CACNA1C: variants seen among roughly 807,000 people sequenced by gnomAD.
CACNA1C encodes calcium voltage-gated channel subunit alpha1 C.
CACNA1C carries 30 observed loss-of-function variants against 229.0 expected under a neutral mutation model. The ratio of observed to expected loss-of-function variants is 0.13; its 90% confidence interval spans 0.10 to 0.18. The LOEUF is 0.18. Ranked by LOEUF, CACNA1C falls within the 10% of genes least tolerant of loss-of-function variation. The pLI is 1.00. For synonymous variants in CACNA1C, 1,114 were observed against 1,132.5 expected (o/e 0.98, Z 0.33); for missense variants, 1,658 against 2,845.0 (o/e 0.58, Z 9.49).
Position 2,528,167 on chromosome 12 carries a change from G to C in CACNA1C, c.1390+15183G>C, listed in dbSNP as rs116412019. ...GTGTGCTATACAGGAACTAACAGGA[G>C]CCAGAGAAAAGCAGGCAGCCAGACT... On this transcript the variant is annotated intron_variant, in intron 9 of 46. Coordinates refer to ENST00000399655, the MANE Select transcript of CACNA1C (RefSeq NM_000719.7). Among the ~76,000 whole-genome samples the C allele has an allele frequency of 2.9e-3, 449 of 152,314 alleles. 2 individuals are homozygous for C. The highest frequency in any genetic ancestry group is 0.01 in the African/African-American group (436 of 41,560).
intron 3 of CACNA1C, among the ~76,000 whole-genome samples, chr12:2,416,981 T>C (rs866664752): frequency 3.3e-5 from 5 of 152,182 alleles, no homozygotes; most frequent in African/African-American, 1.2e-4. Context: ...GTCCTTTAGA[T>C]GTTAGTGACT....
At chr12:2,603,067 C>T (rs2073549345) in intron 22 of CACNA1C, among the ~76,000 whole-genome samples, 1 of 152,158 alleles carries the variant, frequency 6.6e-6, no homozygotes, top group African/African-American at 2.4e-5. Context: ...ATGCAGGGAC[C>T]AGGACCTTGG....
At chr12:2,159,061 T>C (rs2095696462) in intron 3 of CACNA1C, among the ~76,000 whole-genome samples, 1 of 151,966 alleles carries the variant, frequency 6.6e-6, no homozygotes. Flanking sequence ...TTATTAAAAA[T>C]ATGGAATGGA....
upstream of CACNA1C, chr12:2,049,141 CTG>C (rs1394114560): frequency 6.6e-6 from 1 of 152,218 alleles, no homozygotes; most frequent in African/African-American, 2.4e-5. Flanking sequence ...TAGAATTTAA[CTG>C]TATGAATGCA....
At position 2,108,767 on chromosome 12, in the gene CACNA1C, G is replaced by A. The variant is rs925147129; in HGVS notation, c.50-6457G>A. On this transcript the variant is annotated intron_variant, in intron 1 of 46. Transcript: ENST00000399655. This position sits in a 1 kb window ranked among gnomAD's most constrained non-coding sequence, Gnocchi z 5.3. Reference sequence around the variant, plus strand: ...GAGAGACGGTGTCCTCTCTGTTCACGTCCTCCAGCTATCTGTGTACTGCAA... The same window carrying A: ...GAGAGACGGTGTCCTCTCTGTTCACATCCTCCAGCTATCTGTGTACTGCAA... Among the ~76,000 whole-genome samples, 12 of 152,188 alleles carry A rather than the reference G, an allele frequency of 7.9e-5. No individual in the cohort carries two copies. Among genetic ancestry groups the A allele is most frequent in the Non-Finnish European group, 1.0e-4 (7 of 68,030 alleles).
intron 8 of CACNA1C, among the ~76,000 whole-genome samples, chr12:2,511,002 C>T (rs1308707262): frequency 1.3e-5 from 2 of 152,168 alleles, no homozygotes; most frequent in Admixed American, 6.5e-5. Context: ...AAGTTTCCCT[C>T]GCCATTGTGA....
intron 3 of CACNA1C, among the ~76,000 whole-genome samples, chr12:2,189,169 G>A (rs1453748605): frequency 6.6e-6 from 1 of 151,976 alleles, no homozygotes; most frequent in Non-Finnish European, 1.5e-5. Flanking sequence ...CTAAGTGTTG[G>A]GAGAAGTGGA....
At chr12:2,350,629 G>A (rs922601452) in intron 3 of CACNA1C, among the ~76,000 whole-genome samples, 2 of 152,254 alleles carry the variant, frequency 1.3e-5, no homozygotes, top group African/African-American at 4.8e-5. Flanking sequence ...GAGCCCGAAT[G>A]CCTGGATGAT....
At chr12:2,472,924 T>G (rs539146647) in intron 5 of CACNA1C, among the ~76,000 whole-genome samples, 253 of 152,274 alleles carry the variant, frequency 1.7e-3, no homozygotes, top group African/African-American at 5.9e-3. Flanking sequence ...CCCCTCAACC[T>G]CCACATTTAA....
intron 3 of CACNA1C, among the ~76,000 whole-genome samples, chr12:2,391,508 G>A (rs2098478775): frequency 6.6e-6 from 1 of 152,154 alleles, no homozygotes; most frequent in Non-Finnish European, 1.5e-5. Flanking sequence ...AGGACTGTCA[G>A]GGAAGCCCGG....
At chr12:2,111,826 G>A (rs2081884406) in intron 1 of CACNA1C, among the ~76,000 whole-genome samples, 1 of 152,230 alleles carries the variant, frequency 6.6e-6, no homozygotes, top group Admixed American at 6.5e-5. Flanking sequence ...AGTGGCTCCA[G>A]TACAGCAGAT....
intron 30 of CACNA1C, among the ~76,000 whole-genome samples, chr12:2,645,703 G>T (rs2094280046): frequency 6.6e-6 from 1 of 152,198 alleles, no homozygotes; most frequent in Non-Finnish European, 1.5e-5. Context: ...TTACCATGTA[G>T]AAATCACTCA....
intron 3 of CACNA1C, among the ~76,000 whole-genome samples, chr12:2,234,385 T>C (rs11609729): frequency 0.048 from 7,266 of 152,240 alleles, 220 homozygotes; most frequent in Middle Eastern, 0.071. Flanking sequence ...CTGTGGTGAG[T>C]TGATTGCCAG....
intron 1 of CACNA1C, among the ~76,000 whole-genome samples, chr12:1,975,732 CA>C (rs2034135129): frequency 1.3e-5 from 2 of 152,282 alleles, no homozygotes; most frequent in Non-Finnish European, 2.9e-5. Flanking sequence ...TAGGATAAAA[CA>C]AGTGACTTTA....
At chr12:2,045,155 T>G (rs2429151) in intron 1 of CACNA1C, among the ~76,000 whole-genome samples, 41,663 of 152,018 alleles carry the variant, frequency 0.27, 6,350 homozygotes, top group African/African-American at 0.4. Flanking sequence ...GCCAAATAAA[T>G]GTGTTTACTC....
intron 3 of CACNA1C, among the ~76,000 whole-genome samples, chr12:2,229,916 G>C (rs773237700): frequency 1.1e-4 from 17 of 152,306 alleles, no homozygotes; most frequent in Middle Eastern, 3.4e-3. Flanking sequence ...GATTTTGAGC[G>C]GGTGTGGCGT....
At chr12:2,544,558 C>G (rs2099877618) in intron 9 of CACNA1C, among the ~76,000 whole-genome samples, 1 of 152,184 alleles carries the variant, frequency 6.6e-6, no homozygotes, top group South Asian at 2.1e-4. Flanking sequence ...TATAACTAGG[C>G]TCAAACACAT....
rs969096757 is a variant in CACNA1C at position 2,693,151 on chromosome 12, C to T, written c.*1952C>T. 1 of 152,252 alleles carries T rather than the reference C, an allele frequency of 6.6e-6. No homozygotes were observed. The highest frequency in any genetic ancestry group is 1.5e-5 in the Non-Finnish European group (1 of 68,048). 9.4% of individuals were successfully genotyped at this position (152,252 alleles called of 1,614,324 possible). A position where few individuals can be genotyped will look rare whatever the true frequency, so the allele number is the denominator to read the frequency against. ...TTTGCTGGGTATGTTTGTACCGCCT[C>T]TTGCTGTGAGAGACCAGGACCTATT... On this transcript the variant is annotated 3_prime_UTR_variant, in exon 47 of 47. Coordinates refer to ENST00000399655, the MANE Select transcript of CACNA1C (RefSeq NM_000719.7).
At chr12:2,675,667 G>A (rs1180248744) in intron 39 of CACNA1C, among the ~76,000 whole-genome samples, 1 of 152,158 alleles carries the variant, frequency 6.6e-6, no homozygotes, top group Non-Finnish European at 1.5e-5. Flanking sequence ...AAATTGTCAG[G>A]TGTGTTAAAA....
Sources: gnomAD v4.1 joint callset for allele counts (sites outside exome capture counted in the v4.1 genomes callset) on GRCh38, gnomAD v4.1.1 for gene constraint, Gnocchi (gnomAD v3.1) non-coding constraint, MANE v1.5 for transcripts, NCBI Gene and HGNC (gene_info 2026-07-23, HGNC 2026-07-21) for gene names.